The following CLEC2L variants were observed in gnomAD, a reference collection of about 807,000 sequenced individuals.
CLEC2L encodes C-type lectin domain family 2 member L, also known as C-type lectin domain family 2, member L.
A neutral mutation model predicts 23.6 loss-of-function variants in CLEC2L; 14 were observed. The ratio of observed to expected loss-of-function variants is 0.59; its 90% CI spans 0.39 to 0.93. CLEC2L has a LOEUF of 0.93. Among genes scored for constraint, CLEC2L ranks in the 40% least tolerant of loss-of-function variants. The pLI, the probability that CLEC2L is intolerant of heterozygous loss-of-function variation, is 0.00. For missense variants in CLEC2L, 264 were observed against 282.4 expected, an observed-to-expected ratio of 0.93 and a Z score of 0.47; for synonymous variants, 114 against 121.3, an observed-to-expected ratio of 0.94 and a Z score of 0.40.
chr7:139,544,444 G>A lies in CLEC2L; in HGVS notation c.*102G>A. The A allele has an allele frequency of 2.4e-6, 2 of 819,046 alleles. No homozygotes were observed. Among genetic ancestry groups the A allele is most frequent in the Non-Finnish European group, 3.9e-6 (2 of 508,538 alleles). 50.7% of individuals were successfully genotyped at this position (819,046 alleles called of 1,614,324 possible). On this transcript the variant is annotated 3_prime_UTR_variant, in exon 5 of 5. Coordinates refer to ENST00000422142, the MANE Select transcript of CLEC2L (RefSeq NM_001080511.4). ...CGGAGCCGCCTGCCCTCTGCAAGGC[G>A]AAGCGGTGGGTGCGTGGCCTCCGCC...
chr7:139,544,165 C>A, intron 4 of CLEC2L, 66 bp from the exon 5 acceptor site: 1 of 1,234,880 alleles, frequency 8.1e-7, no homozygotes, highest in Non-Finnish European at 1.2e-6. Context: ...CATGGCCTCC[C>A]CTGCCACTGG....
chr7:139,536,542 C>A (rs1025710413), intron 2 of CLEC2L, among the ~76,000 whole-genome samples, 194 bp downstream of exon 2: 1 of 152,170 alleles, frequency 6.6e-6, no homozygotes, highest in Admixed American at 6.5e-5. Flanking sequence ...TACATGTCCC[C>A]TTCATCAAGC....
At chr7:139,530,081 G>A (rs955394285) in intron 1 of CLEC2L, among the ~76,000 whole-genome samples, 3 of 151,918 alleles carry the variant, frequency 2.0e-5, no homozygotes, top group Admixed American at 6.5e-5. Context: ...CTACTCAGGA[G>A]GCTGAGGCAG....
intron 1 of CLEC2L, chr7:139,534,096 G>A: frequency 1.7e-6 from 1 of 603,542 alleles, no homozygotes; most frequent in Non-Finnish European, 3.0e-6. Context: ...GTATTGGTGA[G>A]AGGATGTGGA....
Position 139,538,546 on chromosome 7 carries a change from A to G in CLEC2L, c.266-1775A>G, listed in dbSNP as rs556876691. Among the ~76,000 whole-genome samples the G allele has an allele frequency of 6.8e-4, 104 of 152,188 alleles. 1 individual carries two copies. The highest frequency in any genetic ancestry group is 2.5e-3 in the African/African-American group (103 of 41,504). On this transcript the variant is annotated intron_variant, in intron 2 of 4. Coordinates refer to ENST00000422142, the MANE Select transcript of CLEC2L (RefSeq NM_001080511.4). ...GGTGGATCACAAGGTCAGGAGTTCGAGACCAGCCTGGCCAATATGGTGAAA... is the reference window on the plus strand; with the variant it reads ...GGTGGATCACAAGGTCAGGAGTTCGGGACCAGCCTGGCCAATATGGTGAAA...
chr7:139,529,430 G>A (rs1166905222), intron 1 of CLEC2L, among the ~76,000 whole-genome samples: 1 of 152,188 alleles, frequency 6.6e-6, no homozygotes, highest in Non-Finnish European at 1.5e-5. Context: ...TATCTTCAGT[G>A]CACAAAGGAT....
At chr7:139,528,517 A>G (rs777195813) in intron 1 of CLEC2L, among the ~76,000 whole-genome samples, 2 of 152,146 alleles carry the variant, frequency 1.3e-5, no homozygotes, top group Admixed American at 6.5e-5. Context: ...GTGCAGAGGA[A>G]CTGCCCTTTA....
chr7:139,538,902 G>A (rs1442381895), intron 2 of CLEC2L, among the ~76,000 whole-genome samples: 1 of 152,236 alleles, frequency 6.6e-6, no homozygotes, highest in African/African-American at 2.4e-5. Flanking sequence ...TGTAGACATA[G>A]CTAGTATGAT....
In CLEC2L at chr7:139,540,265, A is replaced by G; in HGVS notation, c.266-56A>G. On this transcript the variant is annotated intron_variant, in intron 2 of 4. Transcript: ENST00000422142. This position sits in a 1 kb window ranked among gnomAD's most constrained non-coding sequence, Gnocchi z 5.8. ...GGCAGGGGAGGGAGCCACAGAAAGC[A>G]GAGTGGGACTCGGGCTGGGGGGGCG... is the stretch of plus-strand genomic sequence containing the variant. 6.9e-7 allele frequency: 1 copy of G among 1,447,690 alleles called. No individual in the cohort carries two copies. The highest frequency in any genetic ancestry group is 2.8e-5 in the East Asian group (1 of 35,204). 89.7% of individuals were successfully genotyped at this position (1,447,690 alleles called of 1,614,324 possible). A position where few individuals can be genotyped will look rare whatever the true frequency, so the allele number is the denominator to read the frequency against.
Position 139,540,284 on chromosome 7 carries a change from G to T in CLEC2L, c.266-37G>T, listed in dbSNP as rs775544429. ...GAAAGCAGAGTGGGACTCGGGCTGG[G>T]GGGGCGGGCAGGGCCGAGCTGGTCT... On this transcript the variant is annotated intron_variant, in intron 2 of 4. Transcript: ENST00000422142. This position sits in a 1 kb window ranked among gnomAD's most constrained non-coding sequence, Gnocchi z 5.8. 6 of 1,575,194 alleles carry T rather than the reference G, an allele frequency of 3.8e-6. No homozygotes were observed. The highest frequency in any genetic ancestry group is 2.2e-4 in the Middle Eastern group (1 of 4,648).
intron 1 of CLEC2L, chr7:139,534,117 C>T: frequency 1.6e-6 from 1 of 622,970 alleles, no homozygotes; most frequent in Non-Finnish European, 2.9e-6. Context: ...GAAACTGGAA[C>T]CCTTGTCTGT....
At chr7:139,524,150 A>G (rs1408452238) in intron 1 of CLEC2L, 33 bp downstream of exon 1, 4 of 1,200,820 alleles carry the variant, frequency 3.3e-6, no homozygotes, top group Admixed American at 4.5e-5. Context: ...CTCCTGGCCC[A>G]GGGACCCCTG....
intron 1 of CLEC2L, among the ~76,000 whole-genome samples, chr7:139,529,735 A>G (rs188910670): frequency 1.1e-4 from 16 of 152,314 alleles, no homozygotes; most frequent in Admixed American, 5.9e-4. Flanking sequence ...AACTGAACAC[A>G]TGCATTTTTT....
At chr7:139,525,644 C>A (rs1797496439) in intron 1 of CLEC2L, among the ~76,000 whole-genome samples, 3 of 152,200 alleles carry the variant, frequency 2.0e-5, no homozygotes, top group Admixed American at 2.0e-4. Flanking sequence ...GTTCCCTCCT[C>A]TTGCCTGTAT....
At chr7:139,531,238 C>T (rs954048774) in intron 1 of CLEC2L, among the ~76,000 whole-genome samples, 2 of 152,198 alleles carry the variant, frequency 1.3e-5, no homozygotes, top group Non-Finnish European at 2.9e-5. Context: ...AATCTTTCTG[C>T]TCATTTCCCC....
At chr7:139,534,829 C>T (rs1797629708) in intron 1 of CLEC2L, among the ~76,000 whole-genome samples, 1 of 151,556 alleles carries the variant, frequency 6.6e-6, no homozygotes. Flanking sequence ...GGTTCCAGTC[C>T]TTCCACTGTT....
chr7:139,536,782 C>T (rs898767617), intron 2 of CLEC2L, among the ~76,000 whole-genome samples: 3 of 151,856 alleles, frequency 2.0e-5, no homozygotes, highest in African/African-American at 7.3e-5. Context: ...TGAGACCAGC[C>T]TGGCCAACAT....
At chr7:139,543,762 C>T (rs1166756006) in intron 4 of CLEC2L, among the ~76,000 whole-genome samples, 1 of 152,214 alleles carries the variant, frequency 6.6e-6, no homozygotes, top group African/African-American at 2.4e-5. Flanking sequence ...ACTCTGCGCA[C>T]TGCAGGGAGC....
At chr7:139,524,766 G>T (rs1172132906) in intron 1 of CLEC2L, among the ~76,000 whole-genome samples, 1 of 152,146 alleles carries the variant, frequency 6.6e-6, no homozygotes, top group African/African-American at 2.4e-5. Flanking sequence ...AGCTACCGCC[G>T]GCGGCGTGTG....
Sources: allele counts gnomAD v4.1 joint callset (sites outside exome capture counted in the v4.1 genomes callset), GRCh38; gene constraint gnomAD v4.1.1; non-coding constraint Gnocchi (gnomAD v3.1); transcripts MANE v1.5; gene names NCBI Gene and HGNC (gene_info 2026-07-23, HGNC 2026-07-21).